Variants in ALG6 observed in about 807,000 individuals in gnomAD.
ALG6 encodes the protein ALG6 alpha-1,3-glucosyltransferase.
In ALG6, 46 loss-of-function variants were observed where a neutral mutation model predicts 66.6. That is an observed-to-expected ratio of 0.69 (90% CI 0.55 to 0.88). The LOEUF is 0.88. Among genes scored for constraint, ALG6 ranks in the 40% least tolerant of loss-of-function variants. The probability of loss-of-function intolerance (pLI) is 0.00; values close to 1 mark genes in which losing one functional copy is unlikely to be tolerated. For synonymous variants in ALG6, 185 were observed against 203.7 expected, an observed-to-expected ratio of 0.91 and a Z score of 0.78; for missense variants, 505 against 586.8, an observed-to-expected ratio of 0.86 and a Z score of 1.44.
In ALG6 at chr1:63,401,822, T is replaced by G. The variant is rs148064088; in HGVS notation, c.168-432T>G. Among the ~76,000 whole-genome samples, 1,127 of 152,316 alleles carry G rather than the reference T, an allele frequency of 7.4e-3. 10 individuals carry two copies. Among genetic ancestry groups the G allele is most frequent in the African/African-American group, 0.024 (1,016 of 41,568 alleles). ...GACATGATTAAGAAATTATTTTAAC[T>G]TAACTTTTAGTTCTCGAGTCATGAT... On this transcript the variant is annotated intron_variant, in intron 3 of 14. Coordinates refer to ENST00000263440, the MANE Select transcript of ALG6 (RefSeq NM_013339.4).
chr1:63,376,061 T>A (rs1648114544), intron 2 of ALG6, among the ~76,000 whole-genome samples: 1 of 152,172 alleles, frequency 6.6e-6, no homozygotes, highest in South Asian at 2.1e-4. Context: ...TGATGGGGAT[T>A]CATTCTGAGA....
intron 2 of ALG6, among the ~76,000 whole-genome samples, chr1:63,387,741 C>T (rs544176331): frequency 5.1e-4 from 77 of 151,718 alleles, no homozygotes; most frequent in African/African-American, 1.7e-3. Context: ...GAGGTTTTGC[C>T]GTGTTGGCCA....
intron 2 of ALG6, among the ~76,000 whole-genome samples, chr1:63,375,847 A>G (rs1281646251): frequency 2.6e-5 from 4 of 152,122 alleles, no homozygotes; most frequent in Admixed American, 6.5e-5. Flanking sequence ...ATATTTTTCT[A>G]GAAATGTTTC....
At chr1:63,372,795 G>A (rs1647977135) in intron 2 of ALG6, among the ~76,000 whole-genome samples, 1 of 151,724 alleles carries the variant, frequency 6.6e-6, no homozygotes, top group African/African-American at 2.4e-5. Flanking sequence ...AAGTAGCTGG[G>A]ATTACAGGTG....
intron 12 of ALG6, among the ~76,000 whole-genome samples, chr1:63,424,882 G>T (rs1644607090): frequency 6.7e-6 from 1 of 149,490 alleles, no homozygotes; most frequent in African/African-American, 2.5e-5. Flanking sequence ...AGGTTCAAGA[G>T]ATTCTCCTGC....
chr1:63,398,594 T>G (rs1644424566), intron 3 of ALG6, among the ~76,000 whole-genome samples: 1 of 152,180 alleles, frequency 6.6e-6, no homozygotes, highest in African/African-American at 2.4e-5. Flanking sequence ...TGCCTTAGCT[T>G]CCCGAGTAGC....
chr1:63,392,702 G>A (rs1400884634), intron 2 of ALG6, among the ~76,000 whole-genome samples: 2 of 152,116 alleles, frequency 1.3e-5, no homozygotes, highest in Non-Finnish European at 1.5e-5. Flanking sequence ...ATACATTAGT[G>A]TGTTTTCTTT....
At chr1:63,383,356 G>A (rs190357855) in intron 2 of ALG6, among the ~76,000 whole-genome samples, 1 of 151,852 alleles carries the variant, frequency 6.6e-6, no homozygotes, top group East Asian at 1.9e-4. Context: ...AACTCCTGGC[G>A]ATCTGCCCAC....
chr1:63,423,316 G>A (rs946289051), intron 12 of ALG6, among the ~76,000 whole-genome samples: 9 of 152,060 alleles, frequency 5.9e-5, no homozygotes, highest in African/African-American at 1.4e-4. Context: ...GAGCCACTGC[G>A]CCTGGCTGAT....
At chr1:63,417,683 C>T (rs1020961883) in intron 11 of ALG6, among the ~76,000 whole-genome samples, 2 of 152,180 alleles carry the variant, frequency 1.3e-5, no homozygotes, top group African/African-American at 2.4e-5. Flanking sequence ...AGTGCCTTCT[C>T]ATATGCCAGG....
chr1:63,429,964 C>T (rs1453358681), intron 14 of ALG6: 2 of 151,902 alleles, frequency 1.3e-5, no homozygotes, highest in Non-Finnish European at 2.9e-5. Flanking sequence ...CTCACTGCAA[C>T]CTCTGCCTCC....
chr1:63,435,197 GCAGA>G (rs1644671597), intron 14 of ALG6, among the ~76,000 whole-genome samples: 1 of 152,188 alleles, frequency 6.6e-6, no homozygotes, highest in Non-Finnish European at 1.5e-5. Flanking sequence ...GTAAATAGGA[GCAGA>G]CAAATGGGGT....
chr1:63,373,760 A>G (rs913529291), intron 2 of ALG6, among the ~76,000 whole-genome samples: 1 of 146,982 alleles, frequency 6.8e-6, no homozygotes, highest in Non-Finnish European at 1.5e-5. Context: ...TCTTGGGACC[A>G]CAGGCATGTG....
intron 7 of ALG6, 144 bp downstream of exon 7, chr1:63,407,270 T>G: frequency 1.6e-6 from 1 of 636,696 alleles, no homozygotes; most frequent in Non-Finnish European, 2.8e-6. Flanking sequence ...AAAGAATCTC[T>G]TCACTAAGCT....
intron 1 of ALG6, among the ~76,000 whole-genome samples, chr1:63,369,209 A>G (rs1647828289): frequency 6.6e-6 from 1 of 152,228 alleles, no homozygotes; most frequent in Admixed American, 6.5e-5. Context: ...TAAGGGGAGG[A>G]AGCTTTAGTA....
Position 63,393,612 on chromosome 1 carries a change from A to C in ALG6, c.83-2901A>C, listed in dbSNP as rs560643565. Among the ~76,000 whole-genome samples the C allele has an allele frequency of 3.9e-5, 6 of 152,326 alleles. No individual in the cohort carries two copies. In the South Asian group the frequency reaches 1.2e-3, roughly 32 times the overall value. Reference sequence around the variant, plus strand: ...TGAGTTGATAGAAATAGATGTATAGAATATGGAATAAGAAGCATGAACAGA... The same window carrying C: ...TGAGTTGATAGAAATAGATGTATAGCATATGGAATAAGAAGCATGAACAGA... On this transcript the variant is annotated intron_variant, in intron 2 of 14. Transcript: ENST00000263440.
At chr1:63,425,973 A>G (rs1165923089) in intron 12 of ALG6, among the ~76,000 whole-genome samples, 1 of 152,158 alleles carries the variant, frequency 6.6e-6, no homozygotes. Flanking sequence ...GTCATGGAGG[A>G]GGTGCAGTCT....
chr1:63,382,649 T>G (rs1294932013), intron 2 of ALG6, among the ~76,000 whole-genome samples: 4 of 21,574 alleles, frequency 1.9e-4, no homozygotes, highest in African/African-American at 1.6e-3. Flanking sequence ...AAGTTTTTTT[T>G]TGTTTGTTTT....
chr1:63,419,357 T>C lies in ALG6; in HGVS notation c.988-13T>C, dbSNP rs751636326. ...AGTTGTTATATCTCATTTCCCCCCC[T>C]TTTTTCTTAAAGGTTAGCTGTGCGC... On this transcript the variant is annotated splice_polypyrimidine_tract_variant and intron_variant, in intron 11 of 14. Transcript: ENST00000263440. 6.3e-7 allele frequency: 1 copy of C among 1,599,936 alleles called. No individual in the cohort carries two copies. The highest frequency in any genetic ancestry group is 8.6e-7 in the Non-Finnish European group (1 of 1,169,430).
Sources: gnomAD v4.1 joint callset for allele counts (sites outside exome capture counted in the v4.1 genomes callset) on GRCh38, gnomAD v4.1.1 for gene constraint, MANE v1.5 for transcripts, NCBI Gene and HGNC (gene_info 2026-07-23, HGNC 2026-07-21) for gene names.